Variants in C1GALT1 observed in about 807,000 individuals in gnomAD.
C1GALT1 encodes glycoprotein-N-acetylgalactosamine 3-beta-galactosyltransferase 1.
Under a neutral mutation model 31.0 loss-of-function variants are expected in C1GALT1, and 11 were observed. The observed-to-expected ratio is 0.36, with a 90% confidence interval of 0.22 to 0.59. C1GALT1 has a LOEUF of 0.59. C1GALT1 is among the 20% of genes least tolerant of loss of function. The probability of loss-of-function intolerance (pLI) is 0.79; values close to 1 mark genes in which losing one functional copy is unlikely to be tolerated. For synonymous variants in C1GALT1, 175 were observed against 143.6 expected (o/e 1.22, Z -1.56); for missense variants, 424 against 425.2 (o/e 1.00, Z 0.03).
intron 1 of C1GALT1, among the ~76,000 whole-genome samples, chr7:7,215,110 G>A (rs540842436): frequency 7.2e-5 from 11 of 152,280 alleles, no homozygotes; most frequent in East Asian, 5.8e-4. Context: ...GTATTGCCAC[G>A]CGGTTACAGA....
In C1GALT1 at chr7:7,238,049, A is replaced by G. The variant is rs1376696618; in HGVS notation, c.221-206A>G. 6.6e-6 allele frequency among the ~76,000 whole-genome samples: 1 copy of G among 152,220 alleles called. No individual in the cohort carries two copies. The highest frequency in any genetic ancestry group is 1.5e-5 in the Non-Finnish European group (1 of 68,042). On this transcript the variant is annotated intron_variant, in intron 2 of 3. Transcript: ENST00000436587. This position sits in a 1 kb window ranked among gnomAD's most constrained non-coding sequence, Gnocchi z 5.2. ...TATAATGTCAACTCTTACTAGCTCC[A>G]GTGATGTCCTAGATAACACTGACAT... is the stretch of plus-strand genomic sequence containing the variant.
At chr7:7,196,401 T>A (rs1781290098) in intron 1 of C1GALT1, among the ~76,000 whole-genome samples, 1 of 152,210 alleles carries the variant, frequency 6.6e-6, no homozygotes, top group Non-Finnish European at 1.5e-5. Flanking sequence ...ACTCATCCTG[T>A]TTTATGGCTA....
intron 1 of C1GALT1, among the ~76,000 whole-genome samples, chr7:7,187,999 A>G (rs772455672): frequency 1.4e-5 from 2 of 138,706 alleles, no homozygotes; most frequent in South Asian, 2.4e-4. Context: ...TAGAGAGCTC[A>G]TTCTGGTGAC....
intron 2 of C1GALT1, among the ~76,000 whole-genome samples, chr7:7,175,489 C>A (rs1190678554): frequency 2.0e-5 from 3 of 152,156 alleles, no homozygotes; most frequent in Admixed American, 2.0e-4. Context: ...TTTTAATTTC[C>A]CAAAGAAACT....
intron 1 of C1GALT1, among the ~76,000 whole-genome samples, chr7:7,229,703 ATTGTATCTT>A (rs999011874): frequency 2.5e-4 from 38 of 152,314 alleles, no homozygotes; most frequent in African/African-American, 8.9e-4. Context: ...GATATGTTTT[ATTGTATCTT>A]TTGGATATAA....
At chr7:7,222,800 G>T (rs1350308933) in intron 1 of C1GALT1, among the ~76,000 whole-genome samples, 1 of 152,168 alleles carries the variant, frequency 6.6e-6, no homozygotes, top group African/African-American at 2.4e-5. Context: ...ATGACTTTAT[G>T]TCTAAGATTT....
chr7:7,223,202 A>G (rs903257031), intron 1 of C1GALT1, among the ~76,000 whole-genome samples: 1 of 152,184 alleles, frequency 6.6e-6, no homozygotes, highest in Non-Finnish European at 1.5e-5. Context: ...TCTGTCACCC[A>G]GGCTGGAGTA....
upstream of C1GALT1, among the ~76,000 whole-genome samples, chr7:7,180,794 G>A (rs972296292): frequency 6.6e-6 from 1 of 152,104 alleles, no homozygotes; most frequent in Non-Finnish European, 1.5e-5. Flanking sequence ...GGAGGCTAAG[G>A]CGGGAAGATT....
At chr7:7,163,582 A>T (rs938249230) in intron 2 of C1GALT1, among the ~76,000 whole-genome samples, 1 of 152,164 alleles carries the variant, frequency 6.6e-6, no homozygotes. Context: ...GTCTCAGCCC[A>T]AAATCTCCTT....
chr7:7,207,118 C>CTTCACATT (rs754890238), intron 1 of C1GALT1, among the ~76,000 whole-genome samples: 6 of 152,044 alleles, frequency 3.9e-5, no homozygotes, highest in Non-Finnish European at 8.8e-5. Context: ...CCCTTAGGAC[C>CTTCACATT]TTCACATTTC....
At chr7:7,232,917 C>T (rs906753406) in intron 1 of C1GALT1, among the ~76,000 whole-genome samples, 4 of 151,908 alleles carry the variant, frequency 2.6e-5, no homozygotes, top group South Asian at 2.1e-4. Context: ...CATCTGCAGA[C>T]GGGTTTAGTG....
upstream of C1GALT1, chr7:7,182,425 AG>A (rs2128228462): frequency 6.6e-6 from 1 of 152,360 alleles, no homozygotes; most frequent in Admixed American, 6.5e-5. Flanking sequence ...CCTTCGCATT[AG>A]GGCGGAGCGT....
intron 1 of C1GALT1, among the ~76,000 whole-genome samples, chr7:7,223,512 C>G (rs907463034): frequency 3.3e-5 from 5 of 152,120 alleles, no homozygotes; most frequent in Non-Finnish European, 7.4e-5. Context: ...TGTCTTTTGC[C>G]AAGCCTTTCA....
chr7:7,159,799 TCAAAGAG>T (rs952475366), intron 2 of C1GALT1, among the ~76,000 whole-genome samples: 3 of 152,136 alleles, frequency 2.0e-5, no homozygotes, highest in African/African-American at 7.2e-5. Context: ...GTGATTCAAT[TCAAAGAG>T]GGCATTTTCC....
chr7:7,237,186 G>A (rs1783400466), intron 2 of C1GALT1, among the ~76,000 whole-genome samples: 1 of 152,160 alleles, frequency 6.6e-6, no homozygotes. Flanking sequence ...TATTTACACA[G>A]TGTAGACCTC....
intron 1 of C1GALT1, among the ~76,000 whole-genome samples, chr7:7,194,004 C>T (rs938300128): frequency 1.3e-5 from 2 of 151,700 alleles, no homozygotes; most frequent in African/African-American, 2.4e-5. Flanking sequence ...GCAATGCCAC[C>T]GATTTGTGTA....
chr7:7,196,655 G>C (rs565242026), intron 1 of C1GALT1, among the ~76,000 whole-genome samples: 1 of 152,274 alleles, frequency 6.6e-6, no homozygotes, highest in African/African-American at 2.4e-5. Context: ...TTCCACAATG[G>C]TTGAACTAGT....
chr7:7,187,063 G>GC (rs1780846713), intron 1 of C1GALT1, among the ~76,000 whole-genome samples: 1 of 152,174 alleles, frequency 6.6e-6, no homozygotes, highest in African/African-American at 2.4e-5. Flanking sequence ...GAATGTTGTT[G>GC]GAGTAGTTAA....
At chr7:7,226,857 A>C (rs1782784971) in intron 1 of C1GALT1, among the ~76,000 whole-genome samples, 2 of 152,202 alleles carry the variant, frequency 1.3e-5, no homozygotes, top group South Asian at 4.1e-4. Flanking sequence ...ATATAATGTA[A>C]ACTATGTACA....
Sources: gnomAD v4.1 joint callset for allele counts (sites outside exome capture counted in the v4.1 genomes callset) on GRCh38, gnomAD v4.1.1 for gene constraint, Gnocchi (gnomAD v3.1) non-coding constraint, MANE v1.5 for transcripts, NCBI Gene and HGNC (gene_info 2026-07-23, HGNC 2026-07-21) for gene names.